METTL16: variants seen among roughly 807,000 people sequenced by gnomAD.
METTL16 encodes methyltransferase 16, RNA N6-adenosine.
In METTL16, 19 loss-of-function variants were observed where a neutral mutation model predicts 57.9. The observed-to-expected ratio is 0.33, with a 90% CI of 0.23 to 0.48. The LOEUF (loss-of-function observed/expected upper bound fraction) is 0.48, where lower values mean the gene tolerates loss of function less well. Among genes scored for constraint, METTL16 ranks in the 20% least tolerant of loss-of-function variants. The probability of loss-of-function intolerance (pLI) is 0.99; values close to 1 mark genes in which losing one functional copy is unlikely to be tolerated. For missense variants in METTL16, 434 were observed against 691.5 expected (o/e 0.63, Z 4.18); for synonymous variants, 246 against 255.6 (o/e 0.96, Z 0.36).
chr17:2,428,564 AATATATATATATATATAT>A (rs71362532), intron 8 of METTL16, among the ~76,000 whole-genome samples: 34 of 31,328 alleles, frequency 1.1e-3, no homozygotes, highest in African/African-American at 4.0e-3. Flanking sequence ...AAAAAAAAAA[AATATATATATATATATAT>A]ATATATATAT....
At chr17:2,444,923 C>T (rs1317844498) in intron 6 of METTL16, among the ~76,000 whole-genome samples, 1 of 152,046 alleles carries the variant, frequency 6.6e-6, no homozygotes, top group East Asian at 1.9e-4. Flanking sequence ...ACCATGTTGG[C>T]CAGGCTGGTC....
At chr17:2,429,885 A>C (rs1360493092) in intron 8 of METTL16, among the ~76,000 whole-genome samples, 1 of 151,576 alleles carries the variant, frequency 6.6e-6, no homozygotes, top group Non-Finnish European at 1.5e-5. Context: ...ATCTCAGCTC[A>C]CAGCAACCTC....
Position 2,507,998 on chromosome 17 carries a change from G to A in METTL16, c.-1+3761C>T, listed in dbSNP as rs138640192. Among the ~76,000 whole-genome samples the A allele has an allele frequency of 2.7e-3, 412 of 152,170 alleles. 2 individuals are homozygous for A. The highest frequency in any genetic ancestry group is 9.4e-3 in the African/African-American group (389 of 41,508). ...AGGGACACAAACACTGCGGAAGGCCGCAGGGTTCTCTGCCTAGGAAAACCA... is the reference window on the plus strand; with the variant it reads ...AGGGACACAAACACTGCGGAAGGCCACAGGGTTCTCTGCCTAGGAAAACCA... On this transcript the variant is annotated intron_variant, in intron 1 of 9. Coordinates refer to ENST00000263092, the MANE Select transcript of METTL16 (RefSeq NM_024086.4).
At chr17:2,448,789 T>TAAAATAAAAAAAAAAAAAAAAAAAAAAAA (rs2067041669) in intron 6 of METTL16, among the ~76,000 whole-genome samples, 2 of 47,734 alleles carry the variant, frequency 4.2e-5, no homozygotes, top group Non-Finnish European at 5.3e-5. Flanking sequence ...AATAAAAAAA[T>TAAAATAAAAAAAAAAAAAAAAAAAAAAAA]AAAAATAAAA....
intron 4 of METTL16, among the ~76,000 whole-genome samples, chr17:2,471,745 G>A (rs1036319983): frequency 2.0e-5 from 3 of 151,932 alleles, no homozygotes; most frequent in South Asian, 2.1e-4. Flanking sequence ...CCGAGATTGC[G>A]CCACTGCACT....
At chr17:2,446,942 T>G (rs1434628338) in intron 6 of METTL16, among the ~76,000 whole-genome samples, 1 of 151,246 alleles carries the variant, frequency 6.6e-6, no homozygotes, top group Non-Finnish European at 1.5e-5. Context: ...AGCCTCCACC[T>G]CCCAGCCGCC....
chr17:2,481,603 C>T (rs774573725), intron 2 of METTL16, among the ~76,000 whole-genome samples: 3 of 151,682 alleles, frequency 2.0e-5, no homozygotes, highest in Non-Finnish European at 4.4e-5. Context: ...TCTCAATAAA[C>T]AAATGAAATG....
chr17:2,447,689 CG>C (rs1567889415), intron 6 of METTL16, among the ~76,000 whole-genome samples: 1 of 128,430 alleles, frequency 7.8e-6, no homozygotes, highest in East Asian at 2.4e-4. Flanking sequence ...CCAGCCGCCC[CG>C]TCCGGGAGGG....
chr17:2,452,937 T>G (rs1207013279), intron 6 of METTL16, among the ~76,000 whole-genome samples: 2 of 152,144 alleles, frequency 1.3e-5, no homozygotes, highest in South Asian at 2.1e-4. Context: ...CTCAGCTCAC[T>G]GCACCTCCAC....
intron 6 of METTL16, among the ~76,000 whole-genome samples, chr17:2,457,381 T>C (rs1181518078): frequency 7.2e-6 from 1 of 138,932 alleles, no homozygotes; most frequent in African/African-American, 2.7e-5. Flanking sequence ...CTAACATTTA[T>C]ACTACATGCT....
intron 2 of METTL16, among the ~76,000 whole-genome samples, chr17:2,482,887 GGT>G (rs1206826361): frequency 1.3e-5 from 2 of 151,964 alleles, no homozygotes; most frequent in Non-Finnish European, 2.9e-5. Flanking sequence ...CTCCAGCCTG[GGT>G]GACAGAGTGG....
chr17:2,504,962 C>G (rs1339019633), intron 1 of METTL16, among the ~76,000 whole-genome samples: 3 of 152,080 alleles, frequency 2.0e-5, no homozygotes, highest in Non-Finnish European at 2.9e-5. Flanking sequence ...ATCTTTGATT[C>G]CAACTTAAAG....
intron 2 of METTL16, among the ~76,000 whole-genome samples, chr17:2,496,587 TA>T (rs1456306001): frequency 3.3e-5 from 5 of 151,840 alleles, no homozygotes; most frequent in Non-Finnish European, 7.3e-5. Context: ...TTATTTGATT[TA>T]GGGGGAACTC....
intron 5 of METTL16, among the ~76,000 whole-genome samples, chr17:2,466,866 G>C (rs145534749): frequency 6.6e-6 from 1 of 150,924 alleles, no homozygotes; most frequent in Non-Finnish European, 1.5e-5. Flanking sequence ...GCAGTAACAC[G>C]ATCCTGGCTC....
chr17:2,422,942 C>G (rs924297217), intron 8 of METTL16, among the ~76,000 whole-genome samples: 1 of 152,066 alleles, frequency 6.6e-6, no homozygotes, highest in African/African-American at 2.4e-5. Context: ...GAGATTGCGC[C>G]ACTGCACTCC....
In METTL16 at chr17:2,462,538, G is replaced by A. The variant is rs377532859; in HGVS notation, c.728+1670C>T. Among the ~76,000 whole-genome samples the A allele has an allele frequency of 1.4e-4, 21 of 152,288 alleles. No homozygotes were observed. In the East Asian group the frequency reaches 3.5e-3, roughly 25 times the overall value. On this transcript the variant is annotated intron_variant, in intron 6 of 9. Coordinates refer to ENST00000263092, the MANE Select transcript of METTL16 (RefSeq NM_024086.4). ...TTGGCGACGGGGCCTGCTGGGAGGT[G>A]ACTGGATCCTGAGGGCAGATTTCCC...
chr17:2,447,488 G>A (rs1432211528), intron 6 of METTL16, among the ~76,000 whole-genome samples: 2 of 136,984 alleles, frequency 1.5e-5, no homozygotes, highest in Non-Finnish European at 1.5e-5. Context: ...CGCCCCGTCC[G>A]GGAGGTGAGG....
intron 5 of METTL16, among the ~76,000 whole-genome samples, chr17:2,466,626 A>G (rs1251871201): frequency 6.6e-6 from 1 of 152,164 alleles, no homozygotes; most frequent in Non-Finnish European, 1.5e-5. Context: ...AAGGAAGCTC[A>G]AGTCCCTTTT....
chr17:2,467,144 C>T (rs1287581118), intron 5 of METTL16, among the ~76,000 whole-genome samples: 2 of 152,024 alleles, frequency 1.3e-5, no homozygotes, highest in African/African-American at 2.4e-5. Context: ...ATCCACGATG[C>T]GGAACCCACA....
Sources: allele counts gnomAD v4.1 joint callset (sites outside exome capture counted in the v4.1 genomes callset), GRCh38; gene constraint gnomAD v4.1.1; transcripts MANE v1.5; gene names NCBI Gene and HGNC (gene_info 2026-07-23, HGNC 2026-07-21).